The following EXOC6 variants were observed in gnomAD, a reference collection of about 807,000 sequenced individuals.
EXOC6 encodes SEC15-like 1.
A neutral mutation model predicts 112.5 loss-of-function variants in EXOC6; 60 were observed. That is an observed-to-expected ratio of 0.53 (90% CI 0.43 to 0.66). The LOEUF (loss-of-function observed/expected upper bound fraction) is 0.66, where lower values mean the gene tolerates loss of function less well. Among genes scored for constraint, EXOC6 ranks in the 30% least tolerant of loss-of-function variants. The pLI is 0.00. For synonymous variants in EXOC6, 295 were observed against 308.0 expected (o/e 0.96, Z 0.44); for missense variants, 855 against 957.1 (o/e 0.89, Z 1.41).
intron 1 of EXOC6, among the ~76,000 whole-genome samples, chr10:92,884,152 G>A (rs534530047): frequency 1.3e-5 from 2 of 152,236 alleles, no homozygotes; most frequent in African/African-American, 4.8e-5. Flanking sequence ...ACCTGCCTTG[G>A]CCTCCCAAAG....
intron 4 of EXOC6, among the ~76,000 whole-genome samples, chr10:92,897,779 C>T (rs1044308186): frequency 6.6e-6 from 1 of 152,150 alleles, no homozygotes; most frequent in African/African-American, 2.4e-5. Context: ...AGAATGCAAC[C>T]TTTTGTCTCT....
Position 92,954,500 on chromosome 10 carries a change from T to C in EXOC6, c.1527-130T>C, listed in dbSNP as rs1356514472. 3 of 498,832 alleles carry C rather than the reference T, an allele frequency of 6.0e-6. No homozygotes were observed. In the East Asian group the frequency reaches 9.6e-5, roughly 16 times the overall value. The allele number at this position is 498,832 out of a possible 1,614,324, so 30.9% of individuals were successfully genotyped here. A position where few individuals can be genotyped will look rare whatever the true frequency, so the allele number is the denominator to read the frequency against. The stretch of plus-strand genomic sequence containing the variant: ...TTGTGATTTAATAAATATGGGTCTT[T>C]GTAGTTTATTTAAAGATATAAAATA... On this transcript the variant is annotated intron_variant, in intron 15 of 21. Coordinates refer to ENST00000260762, the MANE Select transcript of EXOC6 (RefSeq NM_019053.6).
At chr10:92,957,123 A>G (rs1853735032) in intron 17 of EXOC6, among the ~76,000 whole-genome samples, 1 of 152,164 alleles carries the variant, frequency 6.6e-6, no homozygotes, top group African/African-American at 2.4e-5. Flanking sequence ...ATCCAAGGAC[A>G]AATTGATTGT....
intron 1 of EXOC6, among the ~76,000 whole-genome samples, chr10:92,852,024 G>A (rs1847373202): frequency 6.6e-6 from 1 of 152,180 alleles, no homozygotes; most frequent in Non-Finnish European, 1.5e-5. Context: ...AGCTGAGATT[G>A]TGCCACTGCA....
chr10:92,859,804 T>C (rs1847810804), intron 1 of EXOC6, among the ~76,000 whole-genome samples: 1 of 145,950 alleles, frequency 6.9e-6, no homozygotes, highest in South Asian at 2.2e-4. Flanking sequence ...TCTGTGTGTG[T>C]GTGCACGTTT....
intron 1 of EXOC6, among the ~76,000 whole-genome samples, chr10:92,868,516 C>T (rs1848285234): frequency 3.3e-5 from 5 of 151,974 alleles, no homozygotes; most frequent in Admixed American, 2.0e-4. Context: ...TTATCTTTTT[C>T]AGGGATTTCC....
chr10:92,912,121 A>G (rs1335803072), intron 6 of EXOC6, among the ~76,000 whole-genome samples: 1 of 151,074 alleles, frequency 6.6e-6, no homozygotes, highest in East Asian at 1.9e-4. Flanking sequence ...TGCACTCTGT[A>G]TCCTGTGCTT....
intron 13 of EXOC6, among the ~76,000 whole-genome samples, chr10:92,947,285 T>A (rs1296442951): frequency 1.3e-5 from 2 of 152,194 alleles, no homozygotes; most frequent in Non-Finnish European, 2.9e-5. Context: ...CAACGTGTTG[T>A]CTTCCTTGTC....
At chr10:92,886,806 T>G (rs1849239281) in intron 1 of EXOC6, among the ~76,000 whole-genome samples, 1 of 152,240 alleles carries the variant, frequency 6.6e-6, no homozygotes, top group African/African-American at 2.4e-5. Context: ...TGGGACAGCC[T>G]GAGACTTAGT....
chr10:92,918,085 G>T (rs1851209528), intron 7 of EXOC6, among the ~76,000 whole-genome samples: 1 of 152,202 alleles, frequency 6.6e-6, no homozygotes, highest in Non-Finnish European at 1.5e-5. Flanking sequence ...GGTTGAGGAT[G>T]CAGTGAGCTG....
At chr10:93,050,834 T>C (rs1358123056) in intron 20 of EXOC6, among the ~76,000 whole-genome samples, 1 of 146,702 alleles carries the variant, frequency 6.8e-6, no homozygotes, top group Non-Finnish European at 1.5e-5. Context: ...ATTGCACCAC[T>C]GCACTCCAGT....
intron 8 of EXOC6, among the ~76,000 whole-genome samples, chr10:92,923,323 C>T (rs1334151380): frequency 6.6e-6 from 1 of 152,182 alleles, no homozygotes; most frequent in Non-Finnish European, 1.5e-5. Flanking sequence ...AGATTCTGTT[C>T]CTAGGACAGC....
At chr10:92,962,049 G>C (rs554703058) in intron 17 of EXOC6, among the ~76,000 whole-genome samples, 7 of 152,332 alleles carry the variant, frequency 4.6e-5, no homozygotes, top group Admixed American at 4.6e-4. Context: ...GACAATCTCA[G>C]ATAATCCAAA....
At chr10:92,844,698 C>T (rs1846987996), upstream of EXOC6, among the ~76,000 whole-genome samples, 1 of 152,118 alleles carries the variant, frequency 6.6e-6, no homozygotes, top group African/African-American at 2.4e-5. Flanking sequence ...TGCCTGATAA[C>T]CCTAGTCGCC....
At chr10:92,898,225 C>T (rs1589790055) in intron 4 of EXOC6, among the ~76,000 whole-genome samples, 1 of 150,958 alleles carries the variant, frequency 6.6e-6, no homozygotes, top group East Asian at 1.9e-4. Context: ...TTGAGAACAG[C>T]CTGGGCAACA....
chr10:92,977,249 CCT>C (rs1842659182), intron 18 of EXOC6, among the ~76,000 whole-genome samples: 1 of 149,032 alleles, frequency 6.7e-6, no homozygotes, highest in African/African-American at 2.5e-5. Context: ...GCCCAACCAT[CCT>C]CTCTCTGCTT....
rs772430424 is a variant in EXOC6 at position 92,895,028 on chromosome 10, A to G, written c.412+8A>G. ...TGCAGTTATGCCTTCCTGGTGAGTT[A>G]AACTTGTCTATAATAAAACGTTTGG... On this transcript the variant is annotated splice_region_variant and intron_variant, in intron 4 of 21. Transcript: ENST00000260762. The G allele has an allele frequency of 3.3e-6, 5 of 1,525,718 alleles. No individual in the cohort carries two copies. The East Asian group carries it at 6.8e-5, about 21-fold the overall frequency. The allele number at this position is 1,525,718 out of a possible 1,614,324, so 94.5% of individuals were successfully genotyped here.
At chr10:92,926,951 G>T (rs1851759240) in intron 8 of EXOC6, among the ~76,000 whole-genome samples, 1 of 151,658 alleles carries the variant, frequency 6.6e-6, no homozygotes, top group Non-Finnish European at 1.5e-5. Flanking sequence ...TAAAATTATG[G>T]TGAAAAAAAT....
chr10:93,019,205 C>T (rs1391108229), intron 20 of EXOC6, among the ~76,000 whole-genome samples: 1 of 152,138 alleles, frequency 6.6e-6, no homozygotes, highest in Non-Finnish European at 1.5e-5. Context: ...ATCTTGAACT[C>T]CAGGGCTCAA....
Sources: gnomAD v4.1 joint callset for allele counts (sites outside exome capture counted in the v4.1 genomes callset) on GRCh38, gnomAD v4.1.1 for gene constraint, MANE v1.5 for transcripts, NCBI Gene and HGNC (gene_info 2026-07-23, HGNC 2026-07-21) for gene names.